Variants in SOCS2 observed in about 807,000 individuals in gnomAD.
SOCS2 encodes the protein suppressor of cytokine signaling 2, also known as CIS-2.
In SOCS2, 10 loss-of-function variants were observed where a neutral mutation model predicts 18.6. The ratio of observed to expected loss-of-function variants is 0.54; its 90% confidence interval spans 0.33 to 0.91. SOCS2 has a LOEUF of 0.91. Ranked by LOEUF, SOCS2 falls within the 40% of genes least tolerant of loss-of-function variation. The probability of loss-of-function intolerance (pLI) is 0.02; values close to 1 mark genes in which losing one functional copy is unlikely to be tolerated. For synonymous variants in SOCS2, 104 were observed against 104.0 expected, an observed-to-expected ratio of 1.00 and a Z score of 0.00; for missense variants, 231 against 247.2, an observed-to-expected ratio of 0.93 and a Z score of 0.44.
At chr12:93,602,261 A>G in the SOCS2 span, among the ~76,000 whole-genome samples, 1 of 152,138 alleles carries the variant, frequency 6.6e-6, no homozygotes, top group Non-Finnish European at 1.5e-5. Flanking sequence ...AACTTTTTTA[A>G]AAATTTTTAT....
chr12:93,624,404 C>G, the SOCS2 span, among the ~76,000 whole-genome samples: 1 of 152,126 alleles, frequency 6.6e-6, no homozygotes, highest in Admixed American at 6.5e-5. Flanking sequence ...AACCTTGTCT[C>G]TACTTAAAAT....
the SOCS2 span, among the ~76,000 whole-genome samples, chr12:93,600,087 C>G: frequency 6.6e-6 from 1 of 152,072 alleles, no homozygotes; most frequent in Admixed American, 6.6e-5. Context: ...CCTACCCTGT[C>G]ATAAATATAT....
At chr12:93,613,956 G>A in the SOCS2 span, among the ~76,000 whole-genome samples, 1 of 152,126 alleles carries the variant, frequency 6.6e-6, no homozygotes, top group African/African-American at 2.4e-5. Context: ...TCAAAGCCAA[G>A]TATAAAAGGT....
At chr12:93,614,389 CTTT>C in the SOCS2 span, among the ~76,000 whole-genome samples, 15 of 139,114 alleles carry the variant, frequency 1.1e-4, no homozygotes, top group Non-Finnish European at 2.1e-4. Context: ...TTCTTTCTTT[CTTT>C]CTTTCTTTCT....
the SOCS2 span, among the ~76,000 whole-genome samples, chr12:93,621,985 C>A: frequency 6.6e-6 from 1 of 152,134 alleles, no homozygotes; most frequent in East Asian, 1.9e-4. Flanking sequence ...ATTTTAAACT[C>A]ATTTAATTTA....
chr12:93,573,233 C>A (rs1050937152), intron 1 of SOCS2, 197 bp downstream of exon 1: 27 of 670,018 alleles, frequency 4.0e-5, no homozygotes, highest in Middle Eastern at 2.5e-4. Context: ...GGGACTCAGG[C>A]CTGGCGGAGC....
At chr12:93,590,668 C>A in the SOCS2 span, among the ~76,000 whole-genome samples, 1 of 151,142 alleles carries the variant, frequency 6.6e-6, no homozygotes, top group Non-Finnish European at 1.5e-5. Flanking sequence ...GTGGCACGTG[C>A]CTGTAATCCC....
Position 93,575,499 on chromosome 12 carries a change from T to A in SOCS2, c.*320T>A, listed in dbSNP as rs1457529878. 1 of 166,902 alleles carries A rather than the reference T, an allele frequency of 6.0e-6. No homozygotes were observed. Among genetic ancestry groups the A allele is most frequent in the African/African-American group, 2.4e-5 (1 of 41,738 alleles). 10.3% of individuals were successfully genotyped at this position (166,902 alleles called of 1,614,324 possible). A position where few individuals can be genotyped will look rare whatever the true frequency, so the allele number is the denominator to read the frequency against. ...CCTTGCCTTCTTAGGTTCTTTTCCA[T>A]TATGTCAAAGGTCCAGGCTCCAGTA... On this transcript the variant is annotated 3_prime_UTR_variant, in exon 2 of 2. Transcript: ENST00000551556.
the SOCS2 span, among the ~76,000 whole-genome samples, chr12:93,611,431 T>A: frequency 6.6e-6 from 1 of 152,122 alleles, no homozygotes; most frequent in East Asian, 1.9e-4. Context: ...GAGACGGGGT[T>A]TCACCATGTT....
At chr12:93,621,364 C>A in the SOCS2 span, among the ~76,000 whole-genome samples, 1 of 152,220 alleles carries the variant, frequency 6.6e-6, no homozygotes, top group Admixed American at 6.5e-5. Context: ...GAAGCTTGTA[C>A]TGCAAGCATA....
At chr12:93,618,856 G>A in the SOCS2 span, among the ~76,000 whole-genome samples, 1 of 152,194 alleles carries the variant, frequency 6.6e-6, no homozygotes, top group South Asian at 2.1e-4. Flanking sequence ...GTATCAGTCA[G>A]GGTACCAGCA....
At chr12:93,623,349 T>C in the SOCS2 span, among the ~76,000 whole-genome samples, 3 of 152,204 alleles carry the variant, frequency 2.0e-5, no homozygotes, top group African/African-American at 7.2e-5. Flanking sequence ...GAACTGTGAA[T>C]CAATTAAACC....
chr12:93,574,835 T>G lies in SOCS2; in HGVS notation c.253T>G (p.Ser85Ala), dbSNP rs755085956. ...GCATTCAGACTACCTACTAACAATA[T>G]CTGTTAAAACATCAGCTGGACCAAC... ...SSHSDYLLTI[S>A]VKTSAGPTNL... is the part of the protein sequence containing the mutation. Residue 85 changes from serine to alanine, a missense_variant, in exon 2 of 2, where the codon TCT becomes GCT. Physicochemically the swap from Ser to Ala is moderately conservative, Grantham distance 99. This residue lies in a region of SOCS2 where 3 missense variants were observed against 16.2 expected (regional missense o/e 0.18). Transcript: ENST00000551556. The G allele has an allele frequency of 6.2e-7, 1 of 1,614,060 alleles. No individual in the cohort carries two copies. The highest frequency in any genetic ancestry group is 8.5e-7 in the Non-Finnish European group (1 of 1,180,026).
chr12:93,622,742 A>G, the SOCS2 span, among the ~76,000 whole-genome samples: 2 of 152,262 alleles, frequency 1.3e-5, no homozygotes, highest in African/African-American at 2.4e-5. Context: ...GGCAAGGGGT[A>G]GTGAACAGGC....
chr12:93,608,445 G>A, the SOCS2 span, among the ~76,000 whole-genome samples: 3 of 152,088 alleles, frequency 2.0e-5, no homozygotes, highest in Non-Finnish European at 4.4e-5. Flanking sequence ...TGAGAAGCCT[G>A]TTCTTCATGC....
the SOCS2 span, among the ~76,000 whole-genome samples, chr12:93,614,593 TTC>T: frequency 8.8e-6 from 1 of 114,058 alleles, no homozygotes; most frequent in South Asian, 2.8e-4. Context: ...CTTTCTTTCT[TTC>T]TTTCTTTCTT....
chr12:93,581,574 A>C (rs1047114262), downstream of SOCS2, among the ~76,000 whole-genome samples: 3 of 152,212 alleles, frequency 2.0e-5, no homozygotes, highest in African/African-American at 7.2e-5. Context: ...CAATCTCAAC[A>C]TCATGTGATC....
At chr12:93,589,762 T>C in the SOCS2 span, among the ~76,000 whole-genome samples, 9 of 152,264 alleles carry the variant, frequency 5.9e-5, no homozygotes, top group Middle Eastern at 3.2e-3. Context: ...ATAAAACTGA[T>C]GTCTGGCACT....
intron 1 of SOCS2, among the ~76,000 whole-genome samples, chr12:93,582,309 C>T (rs749105422): frequency 9.9e-5 from 15 of 152,072 alleles, no homozygotes; most frequent in Admixed American, 2.0e-4. Flanking sequence ...TGGCTGAAAA[C>T]CTTGGAATTT....
Sources: gnomAD v4.1 joint callset for allele counts (sites outside exome capture counted in the v4.1 genomes callset) on GRCh38, gnomAD v4.1.1 for gene constraint, gnomAD v4.1.1 regional missense constraint, MANE v1.5 for transcripts, NCBI Gene and HGNC (gene_info 2026-07-23, HGNC 2026-07-21) for gene names.